NPAS4: variants seen among roughly 807,000 people sequenced by gnomAD.
NPAS4 encodes neuronal PAS domain protein 4.
A neutral mutation model predicts 64.0 loss-of-function variants in NPAS4; 10 were observed. The observed-to-expected ratio is 0.16, with a 90% CI of 0.10 to 0.26. The LOEUF (loss-of-function observed/expected upper bound fraction) is 0.26. Among genes scored for constraint, NPAS4 ranks in the 10% least tolerant of loss-of-function variants. NPAS4 has a pLI of 1.00. For synonymous variants in NPAS4, 441 were observed against 411.7 expected (o/e 1.07, Z -0.86); for missense variants, 886 against 992.6 (o/e 0.89, Z 1.44).
chr11:66,422,613 C>T, intron 3 of NPAS4, 60 bp downstream of exon 3: 1 of 1,600,720 alleles, frequency 6.2e-7, no homozygotes, highest in Non-Finnish European at 8.6e-7. Flanking sequence ...TTCTCCCCAC[C>T]ATCCACTGTC....
upstream of NPAS4, among the ~76,000 whole-genome samples, chr11:66,420,134 G>C (rs1856718829): frequency 1.3e-5 from 2 of 152,236 alleles, no homozygotes; most frequent in Non-Finnish European, 2.9e-5. Flanking sequence ...GCTCGCTTGG[G>C]GGCCGGCAAC....
At chr11:66,425,525 C>T (rs1590697287) in intron 7 of NPAS4, among the ~76,000 whole-genome samples, 1 of 152,238 alleles carries the variant, frequency 6.6e-6, no homozygotes, top group Non-Finnish European at 1.5e-5. Context: ...TTGTGCTTAA[C>T]TCCATGAGAG....
upstream of NPAS4, among the ~76,000 whole-genome samples, chr11:66,417,336 AT>A (rs893106682): frequency 6.5e-4 from 96 of 146,804 alleles, no homozygotes; most frequent in South Asian, 8.6e-4. Context: ...CACACCAGGA[AT>A]TTTTTTTTTT....
chr11:66,422,111 G>T lies in NPAS4; in HGVS notation c.176-9G>T, dbSNP rs200265598. Reference sequence around the variant, plus strand: ...TACTCCTGACGCACTACGTCTTCTCGCCCTACAGGCACTCCTCTGGCGGGC... The same window carrying T: ...TACTCCTGACGCACTACGTCTTCTCTCCCTACAGGCACTCCTCTGGCGGGC... On this transcript the variant is annotated splice_polypyrimidine_tract_variant and intron_variant, in intron 1 of 7. Transcript: ENST00000311034. 1.1e-5 allele frequency: 17 copies of T among 1,612,854 alleles called. No homozygotes were observed. The highest frequency in any genetic ancestry group is 1.4e-5 in the Non-Finnish European group (17 of 1,179,720).
In NPAS4 at chr11:66,422,241, G is replaced by C. The variant is rs1856756266; in HGVS notation, c.297G>C (p.Glu99Asp). Residue 99 changes from glutamate (E) to aspartate (D), a missense_variant, in exon 2 of 8, where the codon GAG becomes GAC. Physicochemically the swap from Glu to Asp is conservative, Grantham distance 45 (BLOSUM62 2). Coordinates refer to ENST00000311034, the MANE Select transcript of NPAS4 (RefSeq NM_178864.4). ...AGGGGAAATTGCTCTACCTGTCTGA[G>C]AGTGTGAGCGAGCATCTGGGCCACT... ...TAEGKLLYLS[E>D]SVSEHLGHSM... 14 of 1,613,988 alleles carry C rather than the reference G, an allele frequency of 8.7e-6. No homozygotes were observed. Among genetic ancestry groups the C allele is most frequent in the Non-Finnish European group, 1.2e-5 (14 of 1,180,042 alleles).
At position 66,422,846 on chromosome 11, in the gene NPAS4, A is replaced by G. The variant is rs369314452; in HGVS notation, c.603A>G (p.Pro201=). The G allele has an allele frequency of 4.3e-6, 7 of 1,613,616 alleles. No individual in the cohort carries two copies. The highest frequency in any genetic ancestry group is 1.1e-5 in the South Asian group (1 of 91,090). ...FCAPLEPRPR[P]GPGPGPGPAS... ...CCCCTCTGGAGCCGAGACCCCGCCC[A>G]GGTCCTGGCCCTGGCCCTGGCCCTG... The change falls in exon 4 of 8, where the codon CCA becomes CCG. Residue 201 remains proline, a synonymous_variant. Coordinates refer to ENST00000311034, the MANE Select transcript of NPAS4 (RefSeq NM_178864.4).
chr11:66,412,334 C>T, the NPAS4 span, among the ~76,000 whole-genome samples: 2 of 152,184 alleles, frequency 1.3e-5, no homozygotes, highest in African/African-American at 4.8e-5. Flanking sequence ...CTGCTGGGGC[C>T]CGAGCCAGAG....
chr11:66,418,893 G>T (rs1478402208), upstream of NPAS4, among the ~76,000 whole-genome samples: 3 of 152,110 alleles, frequency 2.0e-5, no homozygotes, highest in African/African-American at 7.2e-5. Context: ...AGCGGTCGGC[G>T]CAGTATTCCT....
chr11:66,420,697 G>T (rs986445585), upstream of NPAS4, among the ~76,000 whole-genome samples: 4 of 152,134 alleles, frequency 2.6e-5, no homozygotes, highest in Non-Finnish European at 5.9e-5. Context: ...CCCTAAACCT[G>T]GCCCTGTCGC....
chr11:66,417,872 G>A (rs1003887770), upstream of NPAS4, among the ~76,000 whole-genome samples: 1 of 152,064 alleles, frequency 6.6e-6, no homozygotes, highest in Non-Finnish European at 1.5e-5. Context: ...CAGGGGTACA[G>A]ACTCGCAGCT....
intron 3 of NPAS4, 40 bp downstream of exon 3, chr11:66,422,593 C>A: frequency 6.3e-7 from 1 of 1,598,828 alleles, no homozygotes; most frequent in Non-Finnish European, 8.6e-7. Flanking sequence ...CAATTTCCCA[C>A]CTGCTGCCCT....
At chr11:66,419,039 C>T (rs1856700046), upstream of NPAS4, among the ~76,000 whole-genome samples, 1 of 152,154 alleles carries the variant, frequency 6.6e-6, no homozygotes, top group Admixed American at 6.5e-5. Context: ...AACAACCCCC[C>T]TGGAATTTCA....
chr11:66,420,604 A>C (rs1329436491), upstream of NPAS4, among the ~76,000 whole-genome samples: 1 of 152,122 alleles, frequency 6.6e-6, no homozygotes. Flanking sequence ...GTTCTTCCCC[A>C]TTCCCTCAAC....
chr11:66,422,579 G>T (rs374607165), intron 3 of NPAS4, 26 bp downstream of exon 3: 83 of 1,604,350 alleles, frequency 5.2e-5, no homozygotes, highest in Non-Finnish European at 3.1e-5. Flanking sequence ...TCCCTTCCTC[G>T]GTCCAATTTC....
In NPAS4 at chr11:66,424,538, C is replaced by T. The variant is rs199925704; in HGVS notation, c.1648C>T (p.Pro550Ser). 2.5e-6 allele frequency: 4 copies of T among 1,614,054 alleles called. No individual in the cohort carries two copies. The highest frequency in any genetic ancestry group is 3.4e-6 in the Non-Finnish European group (4 of 1,180,024). ...AHLDSPSQTFPEQLSPNPTKT... is the reference protein window; with the variant it reads ...AHLDSPSQTFSEQLSPNPTKT... Reference sequence around the variant, plus strand: ...CCTGGACAGCCCCAGCCAAACCTTCCCAGAGCAACTGAGCCCCAACCCTAC... The same window carrying T: ...CCTGGACAGCCCCAGCCAAACCTTCTCAGAGCAACTGAGCCCCAACCCTAC... Residue 550 changes from proline to serine, a missense_variant, in exon 7 of 8, where the codon CCA becomes TCA. Transcript: ENST00000311034.
At chr11:66,421,619 G>T (rs1856743473) in intron 1 of NPAS4, among the ~76,000 whole-genome samples, 1 of 152,258 alleles carries the variant, frequency 6.6e-6, no homozygotes, top group South Asian at 2.1e-4. Context: ...AGCGGCCTCG[G>T]TGCCCGCCAG....
rs1296470601 is a variant in NPAS4, at chr11:66,422,459, G to A, written c.336G>A (p.Leu112=). The change falls in exon 3 of 8, where the codon CTG becomes CTA. Residue 112 remains leucine, a synonymous_variant. Coordinates refer to ENST00000311034, the MANE Select transcript of NPAS4 (RefSeq NM_178864.4). The part of the protein sequence containing the change: ...SEHLGHSMVD[L]VAQGDSIYDI... ...TCTTTTCCTCCCTCCAGGTGGACCT[G>A]GTTGCCCAGGGTGACAGCATCTACG... 13 of 1,613,254 alleles carry A rather than the reference G, an allele frequency of 8.1e-6. No homozygotes were observed. Among genetic ancestry groups the A allele is most frequent in the Non-Finnish European group, 1.1e-5 (13 of 1,179,242 alleles).
At chr11:66,418,140 C>T (rs550937522), upstream of NPAS4, among the ~76,000 whole-genome samples, 22 of 152,316 alleles carry the variant, frequency 1.4e-4, no homozygotes, top group South Asian at 3.7e-3. Context: ...TCCTTCTACA[C>T]GCTCACCCCA....
chr11:66,422,719 G>A lies in NPAS4; in HGVS notation c.476G>A (p.Arg159His), dbSNP rs766810347. The change falls in exon 4 of 8, where the codon CGC becomes CAC. Residue 159 changes from arginine (R) to histidine (H), a missense_variant. Arg to His is a conservative substitution (Grantham distance 29, BLOSUM62 0). Coordinates refer to ENST00000311034, the MANE Select transcript of NPAS4 (RefSeq NM_178864.4). ...TTCAACACCTCCAAGTCCCTCAGGC[G>A]CCAGAGTGCAGGCAACAAACTCGTG... ...CRFNTSKSLR[R>H]QSAGNKLVLI... 1 of 1,613,964 alleles carries A rather than the reference G, an allele frequency of 6.2e-7. No homozygotes were observed. The highest frequency in any genetic ancestry group is 8.5e-7 in the Non-Finnish European group (1 of 1,179,954).
Sources: allele counts gnomAD v4.1 joint callset (sites outside exome capture counted in the v4.1 genomes callset), GRCh38; gene constraint gnomAD v4.1.1; transcripts MANE v1.5; gene names NCBI Gene and HGNC (gene_info 2026-07-23, HGNC 2026-07-21).